BCAR3: variants seen among roughly 807,000 people sequenced by gnomAD.
BCAR3 encodes the protein breast cancer anti-estrogen resistance protein 3.
In BCAR3, 37 loss-of-function variants were observed where a neutral mutation model predicts 80.1. That is an observed-to-expected ratio of 0.46 (90% CI 0.36 to 0.61). BCAR3 has a LOEUF of 0.61. BCAR3 is among the 20% of genes least tolerant of loss of function. BCAR3 has a pLI of 0.00. For missense variants in BCAR3, 978 were observed against 1,068.2 expected, an observed-to-expected ratio of 0.92 and a Z score of 1.18; for synonymous variants, 389 against 418.9, an observed-to-expected ratio of 0.93 and a Z score of 0.87.
chr1:93,588,398 G>A (rs1674031605), intron 5 of BCAR3, among the ~76,000 whole-genome samples: 1 of 151,992 alleles, frequency 6.6e-6, no homozygotes. Flanking sequence ...TGGGTTTCCT[G>A]TTCCTGTCTC....
At chr1:93,834,731 T>C (rs1415753329) in intron 2 of BCAR3, among the ~76,000 whole-genome samples, 1 of 152,366 alleles carries the variant, frequency 6.6e-6, no homozygotes, top group South Asian at 2.1e-4. Flanking sequence ...AAATCTATTT[T>C]CTTCCTCACA....
intron 3 of BCAR3, among the ~76,000 whole-genome samples, chr1:93,617,908 T>G (rs558485680): frequency 6.6e-6 from 1 of 152,276 alleles, no homozygotes; most frequent in African/African-American, 2.4e-5. Flanking sequence ...GGCAAGTTGA[T>G]CCGCAGCCTT....
At chr1:93,671,330 T>C (rs1648194255) in intron 2 of BCAR3, among the ~76,000 whole-genome samples, 1 of 152,124 alleles carries the variant, frequency 6.6e-6, no homozygotes, top group Non-Finnish European at 1.5e-5. Context: ...AAGCTAAACA[T>C]ATTTTTTTGG....
chr1:93,575,620 C>T (rs955963397), intron 8 of BCAR3, among the ~76,000 whole-genome samples: 4 of 152,184 alleles, frequency 2.6e-5, no homozygotes, highest in Admixed American at 2.0e-4. Context: ...GCAATCTTAA[C>T]CCCCAAAGAG....
chr1:93,659,513 T>A (rs1369294122), intron 2 of BCAR3, among the ~76,000 whole-genome samples: 1 of 152,004 alleles, frequency 6.6e-6, no homozygotes, highest in Non-Finnish European at 1.5e-5. Flanking sequence ...TTTAAGTCTA[T>A]GAAGATTTTG....
intron 2 of BCAR3, among the ~76,000 whole-genome samples, chr1:93,737,727 G>T (rs1241288192): frequency 2.0e-5 from 3 of 152,188 alleles, no homozygotes; most frequent in African/African-American, 7.2e-5. Context: ...AAAATCATAA[G>T]GACATAGGGA....
In BCAR3 at chr1:93,740,966, C is replaced by T. The variant is rs375405226; in HGVS notation, c.-62-34824G>A. Among the ~76,000 whole-genome samples the T allele has an allele frequency of 2.9e-4, 44 of 152,290 alleles. 3 individuals carry two copies. The highest frequency in any genetic ancestry group is 1.2e-3 in the Admixed American group (19 of 15,294). ...TGCCGACTTCCATATCCTCTGCAACCGGCTTTATTGACAACAGCTGCAGAT... is the reference window on the plus strand; with the variant it reads ...TGCCGACTTCCATATCCTCTGCAACTGGCTTTATTGACAACAGCTGCAGAT... On this transcript the variant is annotated intron_variant, in intron 2 of 13. Coordinates refer to the BCAR3 transcript ENST00000370244.
At position 93,588,997 on chromosome 1, in the gene BCAR3, C is replaced by T. The variant is rs761473184; in HGVS notation, c.909G>A (p.Leu303=). Residue 303 remains leucine, a synonymous_variant, in exon 5 of 12, where the codon TTG becomes TTA. Coordinates refer to ENST00000260502, the MANE Select transcript of BCAR3 (RefSeq NM_003567.4). ...CCTACCTGAGGAGGTTTCCCCTGGG[C>T]AAATTCTGCTCTCGGGCCTGGACGC... ...MGGVQAREQN[L]PRGNLLRNKE... 4.8e-5 allele frequency: 76 copies of T among 1,580,084 alleles called. No homozygotes were observed. Among genetic ancestry groups the T allele is most frequent in the Non-Finnish European group, 6.3e-5 (73 of 1,158,192 alleles).
chr1:93,716,806 G>T (rs1474257285), intron 2 of BCAR3, among the ~76,000 whole-genome samples: 1 of 152,198 alleles, frequency 6.6e-6, no homozygotes, highest in Non-Finnish European at 1.5e-5. Context: ...TTGGCTGAGG[G>T]CTGACTGGAG....
At chr1:93,773,911 C>G (rs1652446123) in intron 2 of BCAR3, among the ~76,000 whole-genome samples, 1 of 152,156 alleles carries the variant, frequency 6.6e-6, no homozygotes, top group African/African-American at 2.4e-5. Context: ...TCTCTATTCC[C>G]TACTTGAATC....
chr1:93,816,038 C>T (rs143264750), intron 2 of BCAR3, among the ~76,000 whole-genome samples: 3 of 152,228 alleles, frequency 2.0e-5, no homozygotes, highest in African/African-American at 7.2e-5. Context: ...ACAAGAGGTA[C>T]GTATTCAGGC....
chr1:93,822,267 T>C (rs1394674294), intron 2 of BCAR3, among the ~76,000 whole-genome samples: 1 of 146,612 alleles, frequency 6.8e-6, no homozygotes, highest in Non-Finnish European at 1.5e-5. Flanking sequence ...AACCTCCACC[T>C]CCCAGGTTCA....
At chr1:93,634,800 A>G (rs543952403) in intron 3 of BCAR3, among the ~76,000 whole-genome samples, 1 of 152,170 alleles carries the variant, frequency 6.6e-6, no homozygotes, top group African/African-American at 2.4e-5. Context: ...ACCTTCCACC[A>G]TGATTGTGAG....
At chr1:93,600,367 G>A (rs529379395) in intron 3 of BCAR3, among the ~76,000 whole-genome samples, 60 of 152,342 alleles carry the variant, frequency 3.9e-4, no homozygotes, top group Non-Finnish European at 8.8e-5. Context: ...ATGCAAACAG[G>A]AAGCGTCCCT....
rs146324712 is a variant in BCAR3, at chr1:93,838,223, C to T, written c.-63+7344G>A. On this transcript the variant is annotated intron_variant, in intron 2 of 13. Coordinates refer to the BCAR3 transcript ENST00000370244. The stretch of plus-strand genomic sequence containing the variant: ...TTCTGCAGGCTGAGAAGTTCAAGGG[C>T]ATGGCCCTGCTTCCCGCAAGGGCTT... Among the ~76,000 whole-genome samples, 470 of 152,308 alleles carry T rather than the reference C, an allele frequency of 3.1e-3. 1 individual carries two copies. The highest frequency in any genetic ancestry group is 0.011 in the African/African-American group (459 of 41,570).
intron 2 of BCAR3, among the ~76,000 whole-genome samples, chr1:93,758,319 G>T (rs1571103121): frequency 6.6e-6 from 1 of 152,342 alleles, no homozygotes; most frequent in East Asian, 1.9e-4. Context: ...GCCAGGGGAG[G>T]ACAAAGAAGA....
intron 2 of BCAR3, among the ~76,000 whole-genome samples, chr1:93,646,870 ATAACTT>A (rs1206380913): frequency 6.6e-6 from 1 of 152,208 alleles, no homozygotes; most frequent in Non-Finnish European, 1.5e-5. Flanking sequence ...TAAAAGGAAA[ATAACTT>A]TAAATATTAG....
intron 2 of BCAR3, among the ~76,000 whole-genome samples, chr1:93,735,981 A>G (rs1650958558): frequency 6.6e-6 from 1 of 152,218 alleles, no homozygotes; most frequent in African/African-American, 2.4e-5. Flanking sequence ...TTTGGAATGC[A>G]AAACAATCCA....
At chr1:93,640,862 G>T (rs1366825518) in intron 3 of BCAR3, among the ~76,000 whole-genome samples, 1 of 152,222 alleles carries the variant, frequency 6.6e-6, no homozygotes, top group Non-Finnish European at 1.5e-5. Flanking sequence ...AGACTGGCCC[G>T]TGGTAGGAGA....
Sources: gnomAD v4.1 joint callset for allele counts (sites outside exome capture counted in the v4.1 genomes callset) on GRCh38, gnomAD v4.1.1 for gene constraint, MANE v1.5 for transcripts, NCBI Gene and HGNC (gene_info 2026-07-23, HGNC 2026-07-21) for gene names.